The following LRP1 variants were observed in gnomAD, a reference collection of about 807,000 sequenced individuals.
The protein encoded by LRP1 is LDL receptor related protein 1.
Under a neutral mutation model 541.5 loss-of-function variants are expected in LRP1, and 51 were observed. That is an observed-to-expected ratio of 0.09 (90% CI 0.08 to 0.12). The LOEUF (loss-of-function observed/expected upper bound fraction) is 0.12, where lower values mean the gene tolerates loss of function less well. Ranked by LOEUF, LRP1 falls within the 10% of genes least tolerant of loss-of-function variation. The pLI is 1.00. For missense variants in LRP1, 3,878 were observed against 6,376.2 expected (o/e 0.61, Z 13.34); for synonymous variants, 2,219 against 2,470.8 (o/e 0.90, Z 3.02).
chr12:57,162,578 T>G lies in LRP1; in HGVS notation c.2404+60T>G. On this transcript the variant is annotated intron_variant, in intron 14 of 88. Transcript: ENST00000243077. The surrounding 1 kb of genome is among the most constrained non-coding windows in gnomAD (Gnocchi z 5.2). ...GGAAGGGGTGGTGGGACTTAGGCAT[T>G]GATTTGAGACTTCCCTGGGAGTGAA... is the stretch of plus-strand genomic sequence containing the variant. 6.3e-7 allele frequency: 1 copy of G among 1,587,140 alleles called. No homozygotes were observed. Among genetic ancestry groups the G allele is most frequent in the South Asian group, 1.1e-5 (1 of 90,068 alleles).
intron 20 of LRP1, among the ~76,000 whole-genome samples, 184 bp from the exon 21 acceptor site, chr12:57,172,984 A>G (rs1319090492): frequency 6.6e-6 from 1 of 152,168 alleles, no homozygotes; most frequent in Non-Finnish European, 1.5e-5. Context: ...TGGAGGTGTG[A>G]TGCCTCCTGA....
Position 57,212,939 on chromosome 12 carries a change from T to A in LRP1, c.*384T>A. The A allele has an allele frequency of 5.8e-6, 1 of 173,162 alleles. No homozygotes were observed. The highest frequency in any genetic ancestry group is 1.2e-5 in the Non-Finnish European group (1 of 80,870). 10.7% of individuals were successfully genotyped at this position (173,162 alleles called of 1,614,324 possible). ...TCCCTGCTTGCCCGCTCCCACAGCTTCCTGAGGGCTAATTCTGGGAAGGGA... is the reference window on the plus strand; with the variant it reads ...TCCCTGCTTGCCCGCTCCCACAGCTACCTGAGGGCTAATTCTGGGAAGGGA... On this transcript the variant is annotated 3_prime_UTR_variant, in exon 89 of 89. Coordinates refer to ENST00000243077, the MANE Select transcript of LRP1 (RefSeq NM_002332.3). The surrounding 1 kb of genome is among the most constrained non-coding windows in gnomAD (Gnocchi z 5.0).
chr12:57,166,594 G>C (rs1156822999), intron 17 of LRP1, among the ~76,000 whole-genome samples: 1 of 152,088 alleles, frequency 6.6e-6, no homozygotes, highest in Non-Finnish European at 1.5e-5. Flanking sequence ...AGAATTTAGG[G>C]CAGAGGGGAT....
chr12:57,205,475 C>G lies in LRP1; in HGVS notation c.11460C>G (p.Pro3820=). Residue 3820 remains proline (P), a synonymous_variant, in exon 74 of 89, where the codon CCC becomes CCG. Coordinates refer to ENST00000243077, the MANE Select transcript of LRP1 (RefSeq NM_002332.3). This position sits in a 1 kb window ranked among gnomAD's most constrained non-coding sequence, Gnocchi z 4.6. Reference sequence around the variant, plus strand: ...GCTTCCACACCGTGCCCGGCCAGCCCGGATGCCAAGGTAGGAAAGCGGGGC... The same window carrying G: ...GCTTCCACACCGTGCCCGGCCAGCCGGGATGCCAAGGTAGGAAAGCGGGGC... ...RSGFHTVPGQ[P]GCQDINECLR... is the part of the protein sequence containing the mutation. 6.2e-7 allele frequency: 1 copy of G among 1,610,938 alleles called. No homozygotes were observed. The highest frequency in any genetic ancestry group is 8.5e-7 in the Non-Finnish European group (1 of 1,178,146).
Position 57,197,624 on chromosome 12 carries a change from G to C in LRP1, c.9242G>C (p.Ser3081Thr). 6.2e-7 allele frequency: 1 copy of C among 1,614,058 alleles called. No individual in the cohort carries two copies. Among genetic ancestry groups the C allele is most frequent in the Non-Finnish European group, 8.5e-7 (1 of 1,180,010 alleles). The part of the protein sequence containing the change: ...IYWTDVTTQG[S>T]MIRRMHLNGS... ...TGGACAGATGTGACCACCCAGGGCA[G>C]CATGATCCGAAGGATGCACCTTAAC... The change falls in exon 58 of 89, where the codon AGC becomes ACC. Residue 3081 changes from serine (S) to threonine (T), a missense_variant. Physicochemically the swap from Ser to Thr is moderately conservative, Grantham distance 58 (BLOSUM62 1). Transcript: ENST00000243077. This position sits in a 1 kb window ranked among gnomAD's most constrained non-coding sequence, Gnocchi z 4.5.
rs772156340 is a variant in LRP1, at chr12:57,178,051, G to A, written c.4362-308G>A. Reference sequence around the variant, plus strand: ...GCAGGCTCCGCCCCCCGGGGTTCACGCTGAGGGTGCCTTTTTCTGACTTTC... The same window carrying A: ...GCAGGCTCCGCCCCCCGGGGTTCACACTGAGGGTGCCTTTTTCTGACTTTC... On this transcript the variant is annotated intron_variant, in intron 26 of 88. Coordinates refer to ENST00000243077, the MANE Select transcript of LRP1 (RefSeq NM_002332.3). This position sits in a 1 kb window ranked among gnomAD's most constrained non-coding sequence, Gnocchi z 5.8. Among the ~76,000 whole-genome samples, 78 of 150,738 alleles carry A rather than the reference G, an allele frequency of 5.2e-4. No individual in the cohort carries two copies. The highest frequency in any genetic ancestry group is 1.0e-3 in the Non-Finnish European group (69 of 67,822).
rs1206134094 is a variant in LRP1, at chr12:57,177,262, G to C, written c.4196+17G>C. ...CCGGGATGGGTGAGGACCTTGCCCA[G>C]CCTTCTCCTGGCCCCATGGCCCCCC... On this transcript the variant is annotated intron_variant, in intron 25 of 88. Transcript: ENST00000243077. This position sits in a 1 kb window ranked among gnomAD's most constrained non-coding sequence, Gnocchi z 6.8. The C allele has an allele frequency of 6.2e-7, 1 of 1,611,288 alleles. No individual in the cohort carries two copies.
rs756991503 is a variant in LRP1, at chr12:57,187,397, C to T, written c.6972C>T (p.Thr2324=). 7 of 1,614,162 alleles carry T rather than the reference C, an allele frequency of 4.3e-6. No homozygotes were observed. The highest frequency in any genetic ancestry group is 2.7e-5 in the African/African-American group (2 of 75,054). The part of the protein sequence containing the change: ...QTRPGAFERE[T]VITMSGDDHP... ...GCCCAGGGGCCTTCGAGCGTGAGAC[C>T]GTCATCACTATGTCTGGAGATGACC... Residue 2324 remains threonine, a synonymous_variant, in exon 42 of 89, where the codon ACC becomes ACT. Transcript: ENST00000243077.
Position 57,179,907 on chromosome 12 carries a change from G to T in LRP1, c.5092G>T (p.Val1698Leu). The stretch of plus-strand genomic sequence containing the variant: ...GGATGGCTCCTTCAAGAACGCAGTG[G>T]TGCAGGGCCTGGAGCAGCCCCATGG... ...RLDGSFKNAVVQGLEQPHGLV... is the reference protein window; with the variant it reads ...RLDGSFKNAVLQGLEQPHGLV... Residue 1698 changes from valine to leucine, a missense_variant, in exon 30 of 89, where the codon GTG becomes TTG. This residue lies in a region of LRP1 where 394 missense variants were observed against 635.9 expected (regional missense o/e 0.62). Transcript: ENST00000243077. The surrounding 1 kb of genome is among the most constrained non-coding windows in gnomAD (Gnocchi z 6.8). The T allele has an allele frequency of 6.2e-7, 1 of 1,614,166 alleles. No homozygotes were observed.
At position 57,210,851 on chromosome 12, in the gene LRP1, C is replaced by T. The variant is rs769590910; in HGVS notation, c.12888C>T (p.Pro4296=). ...QGNQPQCRCL[P]GFLGDRCQYR... Reference sequence around the variant, plus strand: ...ACCAGCCCCAGTGCCGATGCCTACCCGGCTTCCTGGGCGACCGCTGCCAGT... The same window carrying T: ...ACCAGCCCCAGTGCCGATGCCTACCTGGCTTCCTGGGCGACCGCTGCCAGT... The change falls in exon 83 of 89, where the codon CCC becomes CCT. Residue 4296 remains proline, a synonymous_variant. Coordinates refer to ENST00000243077, the MANE Select transcript of LRP1 (RefSeq NM_002332.3). The T allele has an allele frequency of 2.1e-5, 34 of 1,612,680 alleles. 1 individual carries two copies. In the Middle Eastern group the frequency reaches 3.3e-3, roughly 156 times the overall value.
At chr12:57,209,454 C>A (rs759809240) in intron 79 of LRP1, among the ~76,000 whole-genome samples, 1 of 152,206 alleles carries the variant, frequency 6.6e-6, no homozygotes, top group African/African-American at 2.4e-5. Context: ...ACATTAGGAA[C>A]GTAGCAAATT....
Position 57,165,801 on chromosome 12 carries a change from A to G in LRP1, c.2531-4A>G, listed in dbSNP as rs1252685144. The stretch of plus-strand genomic sequence containing the variant: ...TCCCCCTCACGATCCTGTGGTGCCC[A>G]CAGCGAACCCATCCTACGTGCCTCC... On this transcript the variant is annotated splice_region_variant and splice_polypyrimidine_tract_variant and intron_variant, in intron 15 of 88. Transcript: ENST00000243077. This position sits in a 1 kb window ranked among gnomAD's most constrained non-coding sequence, Gnocchi z 4.5. The G allele has an allele frequency of 6.2e-7, 1 of 1,613,458 alleles. No individual in the cohort carries two copies. The highest frequency in any genetic ancestry group is 1.7e-5 in the Admixed American group (1 of 60,022).
intron 67 of LRP1, among the ~76,000 whole-genome samples, chr12:57,202,217 A>C (rs551171235): frequency 1.3e-5 from 2 of 151,854 alleles, no homozygotes; most frequent in South Asian, 4.2e-4. Context: ...GCAGCTGCCC[A>C]CACACACACC....
intron 1 of LRP1, among the ~76,000 whole-genome samples, chr12:57,135,089 C>T (rs1269594601): frequency 6.6e-6 from 1 of 152,158 alleles, no homozygotes; most frequent in African/African-American, 2.4e-5. Context: ...GCCTCAGCTC[C>T]CCCATGTGTG....
rs750322181 is a variant in LRP1 at position 57,177,607 on chromosome 12, G to T, written c.4361+16G>T. The T allele has an allele frequency of 1.2e-6, 2 of 1,612,980 alleles. No individual in the cohort carries two copies. The highest frequency in any genetic ancestry group is 2.2e-5 in the South Asian group (2 of 90,940). On this transcript the variant is annotated intron_variant, in intron 26 of 88. Transcript: ENST00000243077. This position sits in a 1 kb window ranked among gnomAD's most constrained non-coding sequence, Gnocchi z 6.8. ...TTGACGCCAGGTCAGCACCCTCTGT[G>T]CCCTGAGAAGGCCCAAGTCTGTGGC... is the stretch of plus-strand genomic sequence containing the variant.
At chr12:57,182,478 A>C (rs1233346367) in intron 34 of LRP1, among the ~76,000 whole-genome samples, 1 of 148,536 alleles carries the variant, frequency 6.7e-6, no homozygotes, top group African/African-American at 2.5e-5. Context: ...GTGCCACTGA[A>C]CTCCAGCCTG....
rs776110501 is a variant in LRP1 at position 57,194,585 on chromosome 12, C to T, written c.8077C>T (p.Arg2693Cys). 5.6e-6 allele frequency: 9 copies of T among 1,612,344 alleles called. No homozygotes were observed. The highest frequency in any genetic ancestry group is 1.3e-5 in the African/African-American group (1 of 74,894). ...SDERDCPGVK[R>C]PRCPLNYFAC... is the part of the protein sequence containing the mutation. Reference sequence around the variant, plus strand: ...CCTGCCTCGCCCCCCAGGTGTGAAACGCCCCAGATGCCCTCTGAATTACTT... The same window carrying T: ...CCTGCCTCGCCCCCCAGGTGTGAAATGCCCCAGATGCCCTCTGAATTACTT... The change falls in exon 50 of 89, where the codon CGC (arginine) becomes TGC (cysteine). Residue 2693 changes from arginine (R) to cysteine (C), a missense_variant. By Grantham distance (180) the Arg-to-Cys change is radical. Coordinates refer to ENST00000243077, the MANE Select transcript of LRP1 (RefSeq NM_002332.3).
rs779312891 is a variant in LRP1 at position 57,159,966 on chromosome 12, T to C, written c.1940T>C (p.Met647Thr). ...QTRKTLIEGK[M>T]THPRAIVVDP... ...CGCAAGACTTTAATCGAGGGCAAAA[T>C]GACACACCCCAGGGCTATTGTGGTG... The change falls in exon 12 of 89, where the codon ATG becomes ACG. Residue 647 changes from methionine (M) to threonine (T), a missense_variant. By Grantham distance (81) the Met-to-Thr change is moderately conservative. Around this residue, in one of 13 missense-constraint regions of LRP1, gnomAD observed 496 missense variants for 861.0 expected, o/e 0.58. Coordinates refer to ENST00000243077, the MANE Select transcript of LRP1 (RefSeq NM_002332.3). 1.2e-6 allele frequency: 2 copies of C among 1,613,986 alleles called. No individual in the cohort carries two copies. The highest frequency in any genetic ancestry group is 2.2e-5 in the East Asian group (1 of 44,876).
chr12:57,159,751 C>A, intron 11 of LRP1, 74 bp from the exon 12 acceptor site: 1 of 1,505,168 alleles, frequency 6.6e-7, no homozygotes, highest in Non-Finnish European at 9.2e-7. Flanking sequence ...GTACCTGAGT[C>A]CGGGAGGGCC....
Sources: allele counts gnomAD v4.1 joint callset (sites outside exome capture counted in the v4.1 genomes callset), GRCh38; gene constraint gnomAD v4.1.1; regional missense constraint gnomAD v4.1.1; non-coding constraint Gnocchi (gnomAD v3.1); transcripts MANE v1.5; gene names NCBI Gene and HGNC (gene_info 2026-07-23, HGNC 2026-07-21).